The following LRBA variants were observed in gnomAD, a reference collection of about 807,000 sequenced individuals.
LRBA encodes lipopolysaccharide-responsive and beige-like anchor protein.
A neutral mutation model predicts 330.0 loss-of-function variants in LRBA; 176 were observed. The observed-to-expected ratio is 0.53, with a 90% CI of 0.47 to 0.60. LRBA has a LOEUF of 0.60. Ranked by LOEUF, LRBA falls within the 20% of genes least tolerant of loss-of-function variation. LRBA has a pLI of 0.00. For synonymous variants in LRBA, 1,230 were observed against 1,193.0 expected (o/e 1.03, Z -0.64); for missense variants, 3,259 against 3,444.8 (o/e 0.95, Z 1.35).
At position 150,960,516 on chromosome 4, in the gene LRBA, A is replaced by C. The variant is rs1738029581; in HGVS notation, c.217-31451T>G. ...GTGTTTTTTAAAACTAAGAAAAACT[A>C]AATTATAGATAAGGGATGTATTATT... On this transcript the variant is annotated intron_variant, in intron 2 of 56. Coordinates refer to ENST00000651943, the MANE Select transcript of LRBA (RefSeq NM_001364905.1). Among the ~76,000 whole-genome samples, 2 of 149,142 alleles carry C rather than the reference A, an allele frequency of 1.3e-5. 1 individual carries two copies. Among genetic ancestry groups the C allele is most frequent in the African/African-American group, 5.2e-5 (2 of 38,580 alleles).
intron 47 of LRBA, among the ~76,000 whole-genome samples, chr4:150,385,560 G>C (rs975478390): frequency 2.0e-5 from 3 of 152,074 alleles, no homozygotes; most frequent in Non-Finnish European, 4.4e-5. Flanking sequence ...GAAATGGATG[G>C]GTAGGAAAAA....
chr4:150,936,240 C>G (rs1735072335), intron 2 of LRBA, among the ~76,000 whole-genome samples: 1 of 151,972 alleles, frequency 6.6e-6, no homozygotes, highest in South Asian at 2.1e-4. Context: ...TCAAGACAAT[C>G]TTTTATTAAA....
chr4:150,401,570 G>A (rs1196573215), intron 47 of LRBA, among the ~76,000 whole-genome samples: 1 of 152,022 alleles, frequency 6.6e-6, no homozygotes, highest in African/African-American at 2.4e-5. Context: ...GAATTTACAT[G>A]GCAACTAAAA....
At chr4:150,488,916 C>T (rs1368935353) in intron 41 of LRBA, among the ~76,000 whole-genome samples, 1 of 124,140 alleles carries the variant, frequency 8.1e-6, no homozygotes, top group Non-Finnish European at 1.7e-5. Flanking sequence ...TATATACACA[C>T]ACATAAGAAT....
chr4:150,956,865 A>G (rs906704420), intron 2 of LRBA, among the ~76,000 whole-genome samples: 2 of 149,256 alleles, frequency 1.3e-5, no homozygotes, highest in Non-Finnish European at 2.9e-5. Context: ...AACTTCTTCA[A>G]CCTGACAAAG....
rs558200018 is a variant in LRBA at position 150,908,830 on chromosome 4, C to T, written c.1189G>A (p.Asp397Asn). The T allele has an allele frequency of 3.7e-6, 6 of 1,613,004 alleles. No individual in the cohort carries two copies. Among genetic ancestry groups the T allele is most frequent in the African/African-American group, 2.7e-5 (2 of 74,990 alleles). The change falls in exon 10 of 57, where the codon GAC becomes AAC. Residue 397 changes from aspartate to asparagine, a missense_variant. Transcript: ENST00000651943. ...KGTFKFKAESDLFLAEHHKLL... is the reference protein window; with the variant it reads ...KGTFKFKAESNLFLAEHHKLL... ...TTGTGATGCTCAGCAAGGAAAAGGT[C>T]GCTTTCTGCTTTGAATTTAAATGTA...
chr4:150,759,743 T>C (rs1734818051), intron 35 of LRBA, among the ~76,000 whole-genome samples: 1 of 152,170 alleles, frequency 6.6e-6, no homozygotes, highest in Non-Finnish European at 1.5e-5. Flanking sequence ...AGAATCTTTA[T>C]CTATTTTGTT....
intron 2 of LRBA, among the ~76,000 whole-genome samples, chr4:150,967,227 T>C (rs1739005109): frequency 6.6e-6 from 1 of 152,222 alleles, no homozygotes; most frequent in Admixed American, 6.5e-5. Context: ...CCATTTTAAC[T>C]ATGTAATAAC....
chr4:150,917,274 G>A (rs930404694), intron 5 of LRBA, among the ~76,000 whole-genome samples: 2 of 151,102 alleles, frequency 1.3e-5, no homozygotes, highest in African/African-American at 4.9e-5. Context: ...TTAATTAAAT[G>A]AAAAAAAAAT....
chr4:150,893,119 G>A lies in LRBA; in HGVS notation c.2098C>T (p.Leu700Phe). ...GGGTGTTCTGACATTAATGCAACAA[G>A]CAGCTGTAGGACATCCATTAGATTG... is the stretch of plus-strand genomic sequence containing the variant. ...DDNLMDVLQL[L>F]VALMSEHPNS... Residue 700 changes from leucine (L) to phenylalanine (F), a missense_variant, in exon 17 of 57, where the codon CTT (leucine) becomes TTT (phenylalanine). By Grantham distance (22) the Leu-to-Phe change is conservative. Coordinates refer to ENST00000651943, the MANE Select transcript of LRBA (RefSeq NM_001364905.1). The A allele has an allele frequency of 6.2e-7, 1 of 1,611,566 alleles. No individual in the cohort carries two copies. The highest frequency in any genetic ancestry group is 8.5e-7 in the Non-Finnish European group (1 of 1,178,276).
At chr4:150,416,114 T>G (rs913587101) in intron 46 of LRBA, among the ~76,000 whole-genome samples, 1 of 152,196 alleles carries the variant, frequency 6.6e-6, no homozygotes, top group African/African-American at 2.4e-5. Flanking sequence ...AGATACCAAC[T>G]CTGATAGAAG....
intron 48 of LRBA, among the ~76,000 whole-genome samples, chr4:150,341,698 T>C (rs529733523): frequency 2.6e-5 from 4 of 151,510 alleles, no homozygotes; most frequent in Admixed American, 6.6e-5. Flanking sequence ...GACTGTCACA[T>C]TGCCATATAT....
At position 150,681,205 on chromosome 4, in the gene LRBA, C is replaced by T. The variant is rs202117022; in HGVS notation, c.5921+2346G>A. Reference sequence around the variant, plus strand: ...TATGACTCTGATTTCTCTCTAATGCCATTTATGTTTTCTAGAATTATGCTA... The same window carrying T: ...TATGACTCTGATTTCTCTCTAATGCTATTTATGTTTTCTAGAATTATGCTA... On this transcript the variant is annotated intron_variant, in intron 37 of 56. Transcript: ENST00000651943. Among the ~76,000 whole-genome samples the T allele has an allele frequency of 3.3e-5, 5 of 152,142 alleles. No individual in the cohort carries two copies. In the East Asian group the frequency reaches 9.6e-4, roughly 29 times the overall value.
intron 56 of LRBA, 45 bp from the exon 57 acceptor site, chr4:150,265,857 C>T (rs1214643370): frequency 8.2e-7 from 1 of 1,221,734 alleles, no homozygotes; most frequent in South Asian, 1.2e-5. Context: ...CCTGTGTGTC[C>T]TAGAGATGTT....
At chr4:150,415,045 C>T (rs1014686386) in intron 47 of LRBA, among the ~76,000 whole-genome samples, 1 of 152,118 alleles carries the variant, frequency 6.6e-6, no homozygotes, top group East Asian at 1.9e-4. Flanking sequence ...AGATACAGGA[C>T]ATAATTTGAA....
intron 48 of LRBA, among the ~76,000 whole-genome samples, chr4:150,345,705 ATTTG>A (rs988569776): frequency 3.3e-5 from 5 of 152,196 alleles, no homozygotes; most frequent in Admixed American, 3.3e-4. Flanking sequence ...AAATTTATTT[ATTTG>A]TTTGTTTCTT....
At chr4:150,386,121 C>G (rs1054684359) in intron 47 of LRBA, among the ~76,000 whole-genome samples, 6 of 152,068 alleles carry the variant, frequency 3.9e-5, no homozygotes, top group African/African-American at 1.4e-4. Flanking sequence ...GGAACAGAAG[C>G]TCTGCTCAGA....
At chr4:150,927,096 C>G (rs1476913666) in intron 4 of LRBA, among the ~76,000 whole-genome samples, 1 of 150,896 alleles carries the variant, frequency 6.6e-6, no homozygotes, top group Non-Finnish European at 1.5e-5. Context: ...AAAAAAAGGC[C>G]AGGCGCGGTG....
rs558024882 is a variant in LRBA at position 150,538,595 on chromosome 4, A to G, written c.6331-47560T>C. 9.9e-5 allele frequency among the ~76,000 whole-genome samples: 15 copies of G among 152,266 alleles called. No individual in the cohort carries two copies. The South Asian group carries it at 3.1e-3, about 32-fold the overall frequency. ...AATGGGAGTTAAACACTGGGTACAT[A>G]TGGACATACAGATGGGAACAAGAGA... On this transcript the variant is annotated intron_variant, in intron 40 of 56. Coordinates refer to ENST00000651943, the MANE Select transcript of LRBA (RefSeq NM_001364905.1).
Sources: allele counts gnomAD v4.1 joint callset (sites outside exome capture counted in the v4.1 genomes callset), GRCh38; gene constraint gnomAD v4.1.1; transcripts MANE v1.5; gene names NCBI Gene and HGNC (gene_info 2026-07-23, HGNC 2026-07-21).